The following THNSL1 variants were observed in gnomAD, a reference collection of about 807,000 sequenced individuals.
THNSL1 encodes threonine synthase-like 1.
In THNSL1, 48 loss-of-function variants were observed where a neutral mutation model predicts 50.4. The ratio of observed to expected loss-of-function variants is 0.95; its 90% CI spans 0.76 to 1.21. The LOEUF is 1.21. THNSL1 is among the 50% of genes most tolerant of loss of function. The pLI is 0.00. For synonymous variants in THNSL1, 309 were observed against 306.1 expected, an observed-to-expected ratio of 1.01 and a Z score of -0.10; for missense variants, 896 against 871.7, an observed-to-expected ratio of 1.03 and a Z score of -0.35.
chr10:24,995,331 T>C, the THNSL1 span, among the ~76,000 whole-genome samples: 1 of 152,242 alleles, frequency 6.6e-6, no homozygotes, highest in Non-Finnish European at 1.5e-5. Flanking sequence ...TAATGACTGC[T>C]TTTAGTGACA....
upstream of THNSL1, among the ~76,000 whole-genome samples, chr10:25,015,440 A>T (rs1237356892): frequency 6.6e-6 from 1 of 152,220 alleles, no homozygotes; most frequent in African/African-American, 2.4e-5. Context: ...ATCCTATCCC[A>T]TTAGAGAGGG....
chr10:24,987,838 G>A, the THNSL1 span, among the ~76,000 whole-genome samples: 9 of 152,202 alleles, frequency 5.9e-5, no homozygotes, highest in East Asian at 7.7e-4. Flanking sequence ...ACTGAGGACT[G>A]TGTTTATTTT....
At chr10:25,020,471 A>G (rs183967994) in intron 1 of THNSL1, among the ~76,000 whole-genome samples, 2 of 152,270 alleles carry the variant, frequency 1.3e-5, no homozygotes, top group Non-Finnish European at 2.9e-5. Flanking sequence ...GGAAGAAAAG[A>G]TGAAAGATTT....
chr10:24,989,325 C>T, the THNSL1 span, among the ~76,000 whole-genome samples: 112 of 152,304 alleles, frequency 7.4e-4, no homozygotes, highest in East Asian at 0.014. Context: ...TCTGCGTTTT[C>T]ACTGGGCACT....
the THNSL1 span, chr10:24,995,608 T>A: frequency 6.6e-7 from 1 of 1,524,494 alleles, no homozygotes; most frequent in Non-Finnish European, 9.0e-7. Context: ...TTAAATTATT[T>A]GAATTTCAGC....
In THNSL1 at chr10:25,024,206, C is replaced by T; in HGVS notation, c.983C>T (p.Ala328Val). 1 of 1,614,208 alleles carries T rather than the reference C, an allele frequency of 6.2e-7. No individual in the cohort carries two copies. The highest frequency in any genetic ancestry group is 8.5e-7 in the Non-Finnish European group (1 of 1,180,028). ...YGENFACSKI[A>V]PVRHLSGNQF... ...GAAAACTTTGCCTGCTCAAAAATTG[C>T]TCCTGTCAGGCACCTTTCAGGCAAC... Residue 328 changes from alanine (A) to valine (V), a missense_variant, in exon 3 of 3, where the codon GCT becomes GTT. Coordinates refer to ENST00000376356, the MANE Select transcript of THNSL1 (RefSeq NM_024838.5).
At chr10:25,012,035 A>C (rs57710970), upstream of THNSL1, among the ~76,000 whole-genome samples, 10,165 of 152,266 alleles carry the variant, frequency 0.067, 952 homozygotes, top group African/African-American at 0.21. Context: ...GCCCTGAGTC[A>C]CAGCCATGGC....
the THNSL1 span, among the ~76,000 whole-genome samples, chr10:24,980,940 C>T: frequency 3.3e-5 from 5 of 152,262 alleles, no homozygotes; most frequent in East Asian, 1.9e-4. Flanking sequence ...AGGCTGGTCT[C>T]GAACTCCTGA....
At chr10:25,021,466 A>G (rs1850717146) in intron 1 of THNSL1, among the ~76,000 whole-genome samples, 1 of 152,200 alleles carries the variant, frequency 6.6e-6, no homozygotes, top group South Asian at 2.1e-4. Context: ...TATCCTTCTG[A>G]AAAGTTTTAT....
chr10:24,993,848 G>A, the THNSL1 span, among the ~76,000 whole-genome samples: 29 of 152,204 alleles, frequency 1.9e-4, no homozygotes, highest in Non-Finnish European at 3.8e-4. Flanking sequence ...CCAGAAGGGA[G>A]GGGCAGAGTG....
chr10:24,989,074 G>C, the THNSL1 span, among the ~76,000 whole-genome samples: 1 of 152,054 alleles, frequency 6.6e-6, no homozygotes, highest in Non-Finnish European at 1.5e-5. Context: ...CAGAAGGGAA[G>C]GACCTGTCAC....
upstream of THNSL1, among the ~76,000 whole-genome samples, chr10:25,013,669 G>A (rs562827453): frequency 5.3e-5 from 8 of 152,350 alleles, no homozygotes; most frequent in East Asian, 1.9e-4. Flanking sequence ...TAGGCCAGGC[G>A]TGGTGGCTCA....
the THNSL1 span, among the ~76,000 whole-genome samples, chr10:24,991,421 A>G: frequency 6.6e-6 from 1 of 151,946 alleles, no homozygotes; most frequent in African/African-American, 2.4e-5. Flanking sequence ...AGACCCTAGC[A>G]GGCAGGCACA....
the THNSL1 span, among the ~76,000 whole-genome samples, chr10:24,952,855 C>A: frequency 6.6e-6 from 1 of 151,698 alleles, no homozygotes; most frequent in Non-Finnish European, 1.5e-5. This position sits in a 1 kb window ranked among gnomAD's most constrained non-coding sequence, Gnocchi z 5.1. Flanking sequence ...CGGACGCGTC[C>A]CTTGCGGCCG....
intron 2 of THNSL1, among the ~76,000 whole-genome samples, chr10:25,022,745 G>A (rs182283533): frequency 6.6e-6 from 1 of 152,268 alleles, no homozygotes; most frequent in East Asian, 1.9e-4. Context: ...TGAATTGCAA[G>A]TAGATAGCAC....
the THNSL1 span, among the ~76,000 whole-genome samples, chr10:25,004,986 C>T: frequency 6.6e-6 from 1 of 152,168 alleles, no homozygotes. Flanking sequence ...TATGGCTAGC[C>T]AGTTCTCCCA....
At chr10:25,013,430 A>G (rs1340376352), upstream of THNSL1, among the ~76,000 whole-genome samples, 1 of 152,258 alleles carries the variant, frequency 6.6e-6, no homozygotes, top group African/African-American at 2.4e-5. Flanking sequence ...GACCAACCTT[A>G]GTCAAAATCC....
the THNSL1 span, among the ~76,000 whole-genome samples, chr10:24,972,229 C>T: frequency 4.0e-5 from 6 of 150,066 alleles, no homozygotes; most frequent in African/African-American, 9.9e-5. Context: ...TACACTAGGC[C>T]GGGAGTGGTG....
chr10:24,991,885 G>A, the THNSL1 span, among the ~76,000 whole-genome samples: 1 of 152,228 alleles, frequency 6.6e-6, no homozygotes, highest in African/African-American at 2.4e-5. Context: ...TTCAGGAGCT[G>A]TAAACATCGA....
Sources: allele counts gnomAD v4.1 joint callset (sites outside exome capture counted in the v4.1 genomes callset), GRCh38; gene constraint gnomAD v4.1.1; non-coding constraint Gnocchi (gnomAD v3.1); transcripts MANE v1.5; gene names NCBI Gene and HGNC (gene_info 2026-07-23, HGNC 2026-07-21).